Variants in GPM6A observed in about 807,000 individuals in gnomAD.
GPM6A encodes neuronal membrane glycoprotein M6-a.
GPM6A carries 7 observed loss-of-function variants against 32.1 expected under a neutral mutation model. The observed-to-expected ratio is 0.22, with a 90% CI of 0.12 to 0.41. GPM6A has a LOEUF of 0.41. Ranked by LOEUF, GPM6A falls within the 10% of genes least tolerant of loss-of-function variation. The pLI is 1.00. For synonymous variants in GPM6A, 130 were observed against 123.4 expected, an observed-to-expected ratio of 1.05 and a Z score of -0.35; for missense variants, 235 against 347.2, an observed-to-expected ratio of 0.68 and a Z score of 2.57.
chr4:175,764,237 G>T (rs910279973), intron 1 of GPM6A, among the ~76,000 whole-genome samples: 3 of 152,130 alleles, frequency 2.0e-5, no homozygotes, highest in African/African-American at 7.2e-5. Flanking sequence ...TGCCTATCCC[G>T]AGTATTTTAT....
chr4:175,852,011 A>G (rs1736274119), intron 1 of GPM6A, among the ~76,000 whole-genome samples: 2 of 152,166 alleles, frequency 1.3e-5, no homozygotes, highest in Non-Finnish European at 2.9e-5. Context: ...GATCAGTCAG[A>G]GCAGGAATTC....
intron 1 of GPM6A, among the ~76,000 whole-genome samples, chr4:175,758,975 A>C (rs1470041097): frequency 6.6e-6 from 1 of 152,186 alleles, no homozygotes; most frequent in Non-Finnish European, 1.5e-5. Flanking sequence ...TCTCCTTGAG[A>C]CCTCAGCTGT....
At chr4:175,946,753 C>A (rs1004449200) in intron 1 of GPM6A, among the ~76,000 whole-genome samples, 4 of 152,152 alleles carry the variant, frequency 2.6e-5, no homozygotes, top group African/African-American at 7.2e-5. Flanking sequence ...AGAGGACAGA[C>A]AATTGGGGCC....
chr4:175,716,514 T>G (rs946946741), intron 1 of GPM6A, among the ~76,000 whole-genome samples: 1 of 152,076 alleles, frequency 6.6e-6, no homozygotes, highest in Admixed American at 6.6e-5. Context: ...TACAATAGAA[T>G]GCAACAAAGT....
At chr4:175,686,036 T>G (rs571441800) in intron 2 of GPM6A, among the ~76,000 whole-genome samples, 4 of 152,338 alleles carry the variant, frequency 2.6e-5, no homozygotes, top group Admixed American at 6.5e-5. Flanking sequence ...ATGCTGCTTA[T>G]GCTCACATGG....
chr4:175,836,720 A>G (rs1352073123), intron 1 of GPM6A, among the ~76,000 whole-genome samples: 4 of 150,686 alleles, frequency 2.7e-5, no homozygotes, highest in Admixed American at 2.0e-4. Flanking sequence ...CAAAAAAAAA[A>G]TAGAAGGGAA....
At position 175,921,243 on chromosome 4, in the gene GPM6A, T is replaced by C. The variant is rs201290118; in HGVS notation, c.-23+81066A>G. Among the ~76,000 whole-genome samples the C allele has an allele frequency of 4.6e-5, 7 of 152,256 alleles. No individual in the cohort carries two copies. The East Asian group carries it at 1.4e-3, about 29-fold the overall frequency. ...CCTTTTTAATATTCAGTGTGATCTA[T>C]TTAAAAAAAATCATCTCCAATCTTC... On this transcript the variant is annotated intron_variant, in intron 1 of 7. Coordinates refer to the GPM6A transcript ENST00000280187.
intron 1 of GPM6A, among the ~76,000 whole-genome samples, chr4:175,901,658 G>C (rs1299473709): frequency 1.0e-5 from 1 of 100,198 alleles, no homozygotes; most frequent in African/African-American, 4.6e-5. Flanking sequence ...TTTTTTTTTG[G>C]ACAAAGTCTC....
At chr4:175,674,379 G>A (rs114623985) in intron 2 of GPM6A, among the ~76,000 whole-genome samples, 8,870 of 152,148 alleles carry the variant, frequency 0.058, 574 homozygotes, top group East Asian at 0.35. Flanking sequence ...GTTTCACCAT[G>A]TTGGCCAGGC....
intron 6 of GPM6A, among the ~76,000 whole-genome samples, chr4:175,636,271 TATATATATATATATATATATATATATAC>T (rs1740590637): frequency 5.2e-5 from 3 of 57,788 alleles, no homozygotes; most frequent in Admixed American, 2.2e-4. Context: ...TATATATATA[TATATATATATATATATATATATATATAC>T]ATATATATAT....
chr4:175,920,289 G>T (rs539700027), intron 1 of GPM6A, among the ~76,000 whole-genome samples: 1 of 152,194 alleles, frequency 6.6e-6, no homozygotes, highest in Non-Finnish European at 1.5e-5. Flanking sequence ...TACCAGTTGT[G>T]TTAGCCCAAA....
intron 1 of GPM6A, among the ~76,000 whole-genome samples, chr4:175,881,164 C>T (rs1262417356): frequency 1.3e-5 from 2 of 152,038 alleles, no homozygotes; most frequent in African/African-American, 2.4e-5. Flanking sequence ...ACAAACAACC[C>T]CACCAAAAAG....
chr4:175,842,975 T>C, intron 1 of GPM6A, among the ~76,000 whole-genome samples: 1 of 151,104 alleles, frequency 6.6e-6, no homozygotes, highest in East Asian at 1.9e-4. Flanking sequence ...TAATTTTATA[T>C]ATGTAAAATA....
At chr4:175,801,762 C>T (rs1403289920) in intron 1 of GPM6A, among the ~76,000 whole-genome samples, 1 of 152,074 alleles carries the variant, frequency 6.6e-6, no homozygotes, top group African/African-American at 2.4e-5. Context: ...TTTTGCATTA[C>T]TGCAGAATTT....
At chr4:175,651,090 C>T (rs1741776147) in intron 4 of GPM6A, among the ~76,000 whole-genome samples, 1 of 152,026 alleles carries the variant, frequency 6.6e-6, no homozygotes, top group Admixed American at 6.6e-5. Context: ...ACCTGCGTTG[C>T]CCGTGTTTGA....
intron 1 of GPM6A, among the ~76,000 whole-genome samples, chr4:175,750,217 C>T (rs989541774): frequency 1.3e-5 from 2 of 152,094 alleles, no homozygotes; most frequent in African/African-American, 2.4e-5. Context: ...TGCCACCACA[C>T]CCTGCTAATT....
chr4:175,746,861 C>A (rs1013262635), intron 1 of GPM6A, among the ~76,000 whole-genome samples: 2 of 152,072 alleles, frequency 1.3e-5, no homozygotes, highest in South Asian at 2.1e-4. Context: ...GGGAAGTGAA[C>A]CTTGTTGCTT....
intron 1 of GPM6A, among the ~76,000 whole-genome samples, chr4:175,999,396 T>C (rs1221511534): frequency 6.6e-6 from 1 of 152,230 alleles, no homozygotes; most frequent in Non-Finnish European, 1.5e-5. Flanking sequence ...GCATCCTTTC[T>C]GCAGAGTGAA....
chr4:175,768,512 G>T (rs1011651895), intron 1 of GPM6A, among the ~76,000 whole-genome samples: 2 of 151,636 alleles, frequency 1.3e-5, no homozygotes, highest in African/African-American at 2.4e-5. Flanking sequence ...ACAGAAAAGA[G>T]AATAAAAACT....
Sources: gnomAD v4.1 joint callset for allele counts (sites outside exome capture counted in the v4.1 genomes callset) on GRCh38, gnomAD v4.1.1 for gene constraint, MANE v1.5 for transcripts, NCBI Gene and HGNC (gene_info 2026-07-23, HGNC 2026-07-21) for gene names.